Variants in NPL observed in about 807,000 individuals in gnomAD.
NPL encodes the protein N-acetylneuraminate lyase.
Under a neutral mutation model 41.1 loss-of-function variants are expected in NPL, and 32 were observed. The observed-to-expected ratio is 0.78, with a 90% CI of 0.59 to 1.05. NPL has a LOEUF of 1.05. Ranked by LOEUF, NPL falls within the 50% of genes least tolerant of loss-of-function variation. NPL has a pLI of 0.00. For synonymous variants in NPL, 128 were observed against 134.9 expected (o/e 0.95, Z 0.35); for missense variants, 321 against 378.4 (o/e 0.85, Z 1.26).
Position 182,824,367 on chromosome 1 carries a change from T to G in NPL, c.739-1414T>G, listed in dbSNP as rs182074477. 3.6e-3 allele frequency among the ~76,000 whole-genome samples: 546 copies of G among 152,370 alleles called. 1 individual carries two copies. The highest frequency in any genetic ancestry group is 0.013 in the African/African-American group (531 of 41,594). On this transcript the variant is annotated intron_variant, in intron 11 of 12. Coordinates refer to ENST00000367553, the MANE Select transcript of NPL (RefSeq NM_030769.3). Reference sequence around the variant, plus strand: ...GTTCATGGGGTAGAACATATATGTTTGTAAGTCTCTGGGTATTAAAATTTT... The same window carrying G: ...GTTCATGGGGTAGAACATATATGTTGGTAAGTCTCTGGGTATTAAAATTTT...
intron 5 of NPL, chr1:182,810,092 TG>T (rs1489516445): frequency 6.6e-6 from 1 of 152,218 alleles, no homozygotes; most frequent in Non-Finnish European, 1.5e-5. Flanking sequence ...CAAGAACCCC[TG>T]GAGGACTCTG....
chr1:182,795,366 AC>A (rs1259197154), intron 3 of NPL, among the ~76,000 whole-genome samples: 4 of 152,362 alleles, frequency 2.6e-5, no homozygotes, highest in Middle Eastern at 3.4e-3. Flanking sequence ...CAGGGTCAAT[AC>A]GCACTTAGGT....
intron 4 of NPL, among the ~76,000 whole-genome samples, chr1:182,804,619 G>A (rs1311832995): frequency 6.6e-6 from 1 of 152,172 alleles, no homozygotes; most frequent in Non-Finnish European, 1.5e-5. Flanking sequence ...ACTTACCTGC[G>A]ATTGAGCTGT....
At chr1:182,797,928 T>C (rs1022372956) in intron 3 of NPL, among the ~76,000 whole-genome samples, 1 of 152,222 alleles carries the variant, frequency 6.6e-6, no homozygotes, top group Admixed American at 6.5e-5. Context: ...GTGGTAGCTT[T>C]TGTTATTTTA....
intron 4 of NPL, among the ~76,000 whole-genome samples, chr1:182,804,797 G>T (rs999424074): frequency 2.0e-5 from 3 of 152,088 alleles, no homozygotes; most frequent in African/African-American, 7.2e-5. Context: ...AAAGTGTCCT[G>T]GGCCACAGGT....
At chr1:182,795,323 T>C (rs1423246082) in intron 3 of NPL, among the ~76,000 whole-genome samples, 1 of 152,226 alleles carries the variant, frequency 6.6e-6, no homozygotes, top group East Asian at 1.9e-4. Flanking sequence ...TTATAAGCAT[T>C]AAATGAGATA....
At chr1:182,810,551 C>G (rs984770381) in intron 5 of NPL, among the ~76,000 whole-genome samples, 8 of 152,102 alleles carry the variant, frequency 5.3e-5, no homozygotes, top group Non-Finnish European at 8.8e-5. Flanking sequence ...TCAATTATTG[C>G]TTTTCAAGTT....
chr1:182,797,062 A>G (rs1317121367), intron 3 of NPL, among the ~76,000 whole-genome samples: 2 of 150,374 alleles, frequency 1.3e-5, no homozygotes, highest in African/African-American at 2.5e-5. Flanking sequence ...GCTCTTTCAT[A>G]TTCTCCAAAG....
At chr1:182,795,851 T>G (rs76134347) in intron 3 of NPL, 4 of 152,292 alleles carry the variant, frequency 2.6e-5, no homozygotes, top group Non-Finnish European at 5.9e-5. Context: ...GTGAGATCCT[T>G]TCTGTAATCT....
At position 182,789,815 on chromosome 1, in the gene NPL, GCCC is replaced by G. The variant is rs1274388688; in HGVS notation, c.-72+11_-72+13del. ...AAGAGCGGAGGCCTGGGTGAGCGCGGCCCGCGACGGCACGGGCTAGGACAGACG... is the reference window on the plus strand; with the variant it reads ...AAGAGCGGAGGCCTGGGTGAGCGCGGGCGACGGCACGGGCTAGGACAGACG... On this transcript the variant is annotated intron_variant, in intron 1 of 12. Transcript: ENST00000367553. 1 of 152,518 alleles carries G rather than the reference GCCC, an allele frequency of 6.6e-6. No homozygotes were observed. Among genetic ancestry groups the G allele is most frequent in the Non-Finnish European group, 1.5e-5 (1 of 68,294 alleles). The allele number at this position is 152,518 out of a possible 1,614,324, so 9.4% of individuals were successfully genotyped here.
At chr1:182,793,812 C>T (rs1002736091) in intron 2 of NPL, among the ~76,000 whole-genome samples, 2 of 152,142 alleles carry the variant, frequency 1.3e-5, no homozygotes, top group Non-Finnish European at 2.9e-5. Context: ...GTACAGTTGA[C>T]CCTTGAATTA....
At chr1:182,797,978 G>A (rs1384325844) in intron 3 of NPL, among the ~76,000 whole-genome samples, 2 of 152,150 alleles carry the variant, frequency 1.3e-5, no homozygotes, top group South Asian at 2.1e-4. Context: ...GCTGATAGTC[G>A]AGAAAAAGGG....
chr1:182,829,684 A>T lies in NPL; in HGVS notation c.*776A>T. On this transcript the variant is annotated 3_prime_UTR_variant, in exon 13 of 13. Transcript: ENST00000367553. ...AACTTCCCCTTCCTCCACTGAGAAG[A>T]CTGTCTCTCCCGCAGGACCCTGAAT... 1 of 1,498,646 alleles carries T rather than the reference A, an allele frequency of 6.7e-7. No individual in the cohort carries two copies. The highest frequency in any genetic ancestry group is 9.1e-7 in the Non-Finnish European group (1 of 1,099,338). 92.8% of individuals were successfully genotyped at this position (1,498,646 alleles called of 1,614,324 possible).
At chr1:182,807,978 G>T (rs1421101593) in intron 5 of NPL, among the ~76,000 whole-genome samples, 1 of 151,866 alleles carries the variant, frequency 6.6e-6, no homozygotes, top group African/African-American at 2.4e-5. Flanking sequence ...TAGGAGGCCA[G>T]TTGGGAGTGA....
In NPL at chr1:182,816,704, G is replaced by C; in HGVS notation, c.365-10G>C. The C allele has an allele frequency of 6.2e-7, 1 of 1,605,436 alleles. No individual in the cohort carries two copies. The highest frequency in any genetic ancestry group is 8.5e-7 in the Non-Finnish European group (1 of 1,172,684). On this transcript the variant is annotated splice_polypyrimidine_tract_variant and intron_variant, in intron 7 of 12. Coordinates refer to ENST00000367553, the MANE Select transcript of NPL (RefSeq NM_030769.3). ...TGTTCACACCATGACTGTTCCTACT[G>C]TTCTTTCAGATATCCTGATTAATTT...
chr1:182,796,091 C>G (rs1198836647), intron 3 of NPL, among the ~76,000 whole-genome samples: 1 of 147,582 alleles, frequency 6.8e-6, no homozygotes, highest in Non-Finnish European at 1.5e-5. Context: ...TGTGGTCCTG[C>G]TGCATCCATT....
intron 1 of NPL, among the ~76,000 whole-genome samples, chr1:182,790,878 G>C (rs1225547395): frequency 6.6e-6 from 1 of 152,136 alleles, no homozygotes; most frequent in Non-Finnish European, 1.5e-5. Context: ...CCTGACCTCA[G>C]GTGATCCGCC....
Position 182,803,687 on chromosome 1 carries a change from A to G in NPL, c.69-11A>G, listed in dbSNP as rs1487752952. The G allele has an allele frequency of 5.6e-6, 9 of 1,593,622 alleles. No individual in the cohort carries two copies. The highest frequency in any genetic ancestry group is 1.7e-5 in the Admixed American group (1 of 59,620). On this transcript the variant is annotated splice_polypyrimidine_tract_variant and intron_variant, in intron 3 of 12. Transcript: ENST00000367553. ...AGACTAAATATGCCTTTTTTTCCAC[A>G]TGTCTTCTAGAGAAATCAACTTTTC...
chr1:182,806,674 T>C, intron 5 of NPL: 2 of 952,776 alleles, frequency 2.1e-6, no homozygotes, highest in Admixed American at 2.7e-5. Context: ...TCCAACTCAA[T>C]GTGCTCTTTT....
Sources: allele counts gnomAD v4.1 joint callset (sites outside exome capture counted in the v4.1 genomes callset), GRCh38; gene constraint gnomAD v4.1.1; transcripts MANE v1.5; gene names NCBI Gene and HGNC (gene_info 2026-07-23, HGNC 2026-07-21).